Variants in G3BP2 observed in about 807,000 individuals in gnomAD.
The protein encoded by G3BP2 is ras GTPase-activating protein-binding protein 2.
In G3BP2, 11 loss-of-function variants were observed where a neutral mutation model predicts 56.7. That is an observed-to-expected ratio of 0.19 (90% confidence interval 0.12 to 0.32). G3BP2 has a LOEUF of 0.32. Among genes scored for constraint, G3BP2 ranks in the 10% least tolerant of loss-of-function variants. G3BP2 has a pLI of 1.00. For synonymous variants in G3BP2, 165 were observed against 191.6 expected (o/e 0.86, Z 1.15); for missense variants, 340 against 610.9 (o/e 0.56, Z 4.67).
At chr4:75,711,701 A>G (rs912192176) in intron 3 of G3BP2, among the ~76,000 whole-genome samples, 4 of 152,168 alleles carry the variant, frequency 2.6e-5, no homozygotes, top group African/African-American at 4.8e-5. Context: ...CAACAACAGC[A>G]AAACTCCATC....
At chr4:75,719,032 A>C (rs908356734) in intron 3 of G3BP2, among the ~76,000 whole-genome samples, 4 of 152,234 alleles carry the variant, frequency 2.6e-5, no homozygotes, top group Non-Finnish European at 5.9e-5. Flanking sequence ...GAAGACTTAC[A>C]GGGTAATATC....
At chr4:75,646,898 G>A in intron 10 of G3BP2, 131 bp downstream of exon 10, 1 of 583,078 alleles carries the variant, frequency 1.7e-6, no homozygotes, top group Non-Finnish European at 3.0e-6. Flanking sequence ...GCACAATTAA[G>A]GTGGGTCTGG....
chr4:75,702,163 ACCC>A (rs1227615689), intron 3 of G3BP2, among the ~76,000 whole-genome samples: 1 of 122,616 alleles, frequency 8.2e-6, no homozygotes, highest in Non-Finnish European at 1.7e-5. Context: ...TGGTATATAA[ACCC>A]CCCAATTTTT....
At chr4:75,699,781 ATAT>A (rs1288302444) in intron 3 of G3BP2, among the ~76,000 whole-genome samples, 1 of 152,150 alleles carries the variant, frequency 6.6e-6, no homozygotes, top group Admixed American at 6.6e-5. Flanking sequence ...GCATGAGGCT[ATAT>A]TATTATAATC....
At chr4:75,690,331 G>A (rs1017784691) in intron 3 of G3BP2, among the ~76,000 whole-genome samples, 1 of 151,936 alleles carries the variant, frequency 6.6e-6, no homozygotes, top group African/African-American at 2.4e-5. Context: ...TTGGGAGACT[G>A]AGACAGGAGA....
intron 3 of G3BP2, among the ~76,000 whole-genome samples, chr4:75,695,795 TA>T (rs1441736997): frequency 6.6e-6 from 1 of 151,792 alleles, no homozygotes; most frequent in African/African-American, 2.4e-5. Flanking sequence ...GCCAACATGG[TA>T]AAACCCGTCT....
intron 3 of G3BP2, among the ~76,000 whole-genome samples, chr4:75,692,176 C>A (rs1019910431): frequency 6.6e-6 from 1 of 152,174 alleles, no homozygotes; most frequent in African/African-American, 2.4e-5. Context: ...CTTCAGAACC[C>A]TGTGCCTAGT....
chr4:75,661,544 T>C (rs1042330173), intron 2 of G3BP2: 1 of 153,598 alleles, frequency 6.5e-6, no homozygotes, highest in African/African-American at 2.4e-5. Context: ...CCCAGTACTT[T>C]GGGAATGCAA....
At chr4:75,663,671 C>T (rs1364173423) in intron 1 of G3BP2, among the ~76,000 whole-genome samples, 1 of 151,770 alleles carries the variant, frequency 6.6e-6, no homozygotes, top group African/African-American at 2.4e-5. Context: ...ACCAGCCTGG[C>T]CAAGATGGTG....
chr4:75,654,687 CTT>C (rs2148972592), intron 7 of G3BP2, among the ~76,000 whole-genome samples: 1 of 152,302 alleles, frequency 6.6e-6, no homozygotes, highest in Admixed American at 6.5e-5. Flanking sequence ...ACAGGTATCT[CTT>C]CTTTTAATTA....
intron 8 of G3BP2, among the ~76,000 whole-genome samples, chr4:75,650,927 G>T (rs1048669128): frequency 6.6e-6 from 1 of 152,154 alleles, no homozygotes; most frequent in African/African-American, 2.4e-5. Flanking sequence ...AGACACAGAT[G>T]TTCAGTAACT....
intron 9 of G3BP2, among the ~76,000 whole-genome samples, chr4:75,648,374 A>G (rs902713511): frequency 6.6e-6 from 1 of 151,882 alleles, no homozygotes; most frequent in African/African-American, 2.4e-5. Context: ...ACAAAAAAAA[A>G]AAACAAAAAA....
intron 8 of G3BP2, 186 bp from the exon 9 acceptor site, chr4:75,648,927 T>C (rs1731452941): frequency 2.3e-6 from 1 of 433,686 alleles, no homozygotes; most frequent in Non-Finnish European, 4.2e-6. Context: ...TCTAGGACTG[T>C]AGGTAGCTTT....
chr4:75,681,149 C>A (rs1178028549), intron 3 of G3BP2, among the ~76,000 whole-genome samples: 2 of 151,298 alleles, frequency 1.3e-5, no homozygotes, highest in Non-Finnish European at 2.9e-5. Flanking sequence ...CATGGTGAAA[C>A]CCCGTCTCTA....
intron 11 of G3BP2, 49 bp from the exon 12 acceptor site, chr4:75,645,751 T>C (rs1417367979): frequency 2.0e-6 from 3 of 1,511,314 alleles, no homozygotes; most frequent in Non-Finnish European, 2.7e-6. Flanking sequence ...TAGACAGCAA[T>C]AGAAATGATT....
chr4:75,693,391 T>C (rs1718952518), intron 3 of G3BP2, among the ~76,000 whole-genome samples: 2 of 152,156 alleles, frequency 1.3e-5, no homozygotes, highest in South Asian at 4.1e-4. Context: ...TTCCTTGGGA[T>C]GGGGTATCCT....
intron 3 of G3BP2, among the ~76,000 whole-genome samples, chr4:75,703,002 A>G (rs1719406235): frequency 6.6e-6 from 1 of 152,190 alleles, no homozygotes; most frequent in African/African-American, 2.4e-5. Flanking sequence ...CGAGGCTCCT[A>G]AACTCCCTCA....
At chr4:75,695,129 A>G (rs546534459) in intron 3 of G3BP2, among the ~76,000 whole-genome samples, 1 of 152,304 alleles carries the variant, frequency 6.6e-6, no homozygotes, top group Admixed American at 6.5e-5. Flanking sequence ...GGTAAAACTA[A>G]TCAACATTTC....
At chr4:75,646,619 C>A (rs902773351) in intron 10 of G3BP2, among the ~76,000 whole-genome samples, 163 bp from the exon 11 acceptor site, 5 of 152,198 alleles carry the variant, frequency 3.3e-5, no homozygotes, top group African/African-American at 1.2e-4. Flanking sequence ...CTCAAGCAGG[C>A]AATCCCCTAA....
Sources: gnomAD v4.1 joint callset for allele counts (sites outside exome capture counted in the v4.1 genomes callset) on GRCh38, gnomAD v4.1.1 for gene constraint, MANE v1.5 for transcripts, NCBI Gene and HGNC (gene_info 2026-07-23, HGNC 2026-07-21) for gene names.